ATP9A: variants seen among roughly 807,000 people sequenced by gnomAD.
ATP9A encodes probable phospholipid-transporting ATPase IIA.
In ATP9A, 52 loss-of-function variants were observed where a neutral mutation model predicts 144.1. That is an observed-to-expected ratio of 0.36 (90% confidence interval 0.29 to 0.45). The LOEUF (loss-of-function observed/expected upper bound fraction) is 0.45. Among genes scored for constraint, ATP9A ranks in the 20% least tolerant of loss-of-function variants. ATP9A has a pLI of 1.00. For missense variants in ATP9A, 947 were observed against 1,392.7 expected (o/e 0.68, Z 5.09); for synonymous variants, 582 against 557.4 (o/e 1.04, Z -0.62).
chr20:51,683,729 T>C (rs749079223), intron 9 of ATP9A, among the ~76,000 whole-genome samples: 1 of 152,174 alleles, frequency 6.6e-6, no homozygotes, highest in Non-Finnish European at 1.5e-5. Context: ...TTTTACACTT[T>C]CATTCCCCAT....
At chr20:51,757,276 C>G (rs1451241493) in intron 1 of ATP9A, among the ~76,000 whole-genome samples, 3 of 152,122 alleles carry the variant, frequency 2.0e-5, no homozygotes, top group African/African-American at 7.2e-5. Flanking sequence ...CCTCGGCCTC[C>G]CAAAGTGCTG....
intron 1 of ATP9A, among the ~76,000 whole-genome samples, chr20:51,745,284 A>AC (rs1451321058): frequency 3.3e-5 from 5 of 150,582 alleles, no homozygotes; most frequent in Non-Finnish European, 1.5e-5. Flanking sequence ...AAAAAAAAAA[A>AC]ATTAGCTGGG....
chr20:51,641,059 T>TA (rs201229895), intron 14 of ATP9A, among the ~76,000 whole-genome samples: 11 of 152,056 alleles, frequency 7.2e-5, no homozygotes, highest in South Asian at 4.2e-4. Context: ...ACCCCATTTC[T>TA]AAAAAAAAAT....
chr20:51,621,313 A>T (rs1260766038), intron 19 of ATP9A, among the ~76,000 whole-genome samples: 1 of 152,124 alleles, frequency 6.6e-6, no homozygotes, highest in African/African-American at 2.4e-5. Context: ...ATACTATGCT[A>T]TTTCAAAAAT....
intron 1 of ATP9A, among the ~76,000 whole-genome samples, chr20:51,739,813 GTTC>G (rs1019145779): frequency 5.9e-5 from 9 of 152,142 alleles, no homozygotes; most frequent in African/African-American, 2.2e-4. Context: ...GGAAAGATGT[GTTC>G]TTCTCCCTGG....
At chr20:51,684,460 GC>G (rs1423833533) in intron 9 of ATP9A, among the ~76,000 whole-genome samples, 1 of 151,996 alleles carries the variant, frequency 6.6e-6, no homozygotes, top group East Asian at 1.9e-4. Flanking sequence ...ACTTTGGGAG[GC>G]TGAGGCGGGT....
At chr20:51,723,536 GCA>G (rs1256639934) in intron 3 of ATP9A, among the ~76,000 whole-genome samples, 7 of 150,588 alleles carry the variant, frequency 4.6e-5, no homozygotes, top group Non-Finnish European at 8.8e-5. Context: ...ATTGCACACT[GCA>G]CTACAGCCTG....
At chr20:51,633,892 G>GAGGGAGGGAGGGAGGAAGAA (rs1216641740) in intron 15 of ATP9A, among the ~76,000 whole-genome samples, 7 of 148,376 alleles carry the variant, frequency 4.7e-5, no homozygotes, top group African/African-American at 7.4e-5. Context: ...GGAAGGAAAA[G>GAGGGAGGGAGGGAGGAAGAA]AGGGAGGGAG....
At chr20:51,673,980 G>T (rs900335539) in intron 11 of ATP9A, among the ~76,000 whole-genome samples, 173 bp downstream of exon 11, 1 of 151,724 alleles carries the variant, frequency 6.6e-6, no homozygotes, top group African/African-American at 2.4e-5. Context: ...AACCTGGGAG[G>T]TGGAGGTTGC....
intron 9 of ATP9A, among the ~76,000 whole-genome samples, chr20:51,686,256 C>G (rs892857144): frequency 4.0e-5 from 6 of 151,846 alleles, no homozygotes; most frequent in African/African-American, 1.5e-4. Flanking sequence ...AGGAGATATA[C>G]CTAATGTACA....
intron 18 of ATP9A, 96 bp downstream of exon 18, chr20:51,625,096 G>T: frequency 7.9e-7 from 1 of 1,258,712 alleles, no homozygotes; most frequent in Non-Finnish European, 1.1e-6. Context: ...GTCCTCTGCT[G>T]CTCCTCCCAC....
intron 1 of ATP9A, among the ~76,000 whole-genome samples, chr20:51,730,679 A>C (rs2077737092): frequency 6.6e-6 from 1 of 152,240 alleles, no homozygotes; most frequent in Non-Finnish European, 1.5e-5. Flanking sequence ...CCTCAGCTAC[A>C]AACCTGCACA....
At chr20:51,674,560 C>CA (rs1364060399) in intron 10 of ATP9A, among the ~76,000 whole-genome samples, 1 of 152,088 alleles carries the variant, frequency 6.6e-6, no homozygotes, top group Non-Finnish European at 1.5e-5. Flanking sequence ...CAAGGGAACT[C>CA]AAAGAATTCT....
At chr20:51,733,321 A>G (rs780744292) in intron 1 of ATP9A, among the ~76,000 whole-genome samples, 30 of 152,182 alleles carry the variant, frequency 2.0e-4, no homozygotes, top group Non-Finnish European at 3.5e-4. Flanking sequence ...TGGAGGCTGC[A>G]AAGTCCAAGA....
intron 17 of ATP9A, 111 bp from the exon 18 acceptor site, chr20:51,625,473 G>GATCGGGTGT: frequency 1.5e-6 from 2 of 1,311,044 alleles, no homozygotes; most frequent in Non-Finnish European, 2.0e-6. Context: ...ACGGGGTGGG[G>GATCGGGTGT]GACCCCAGCA....
At chr20:51,698,479 C>G (rs897318208) in intron 4 of ATP9A, among the ~76,000 whole-genome samples, 1 of 152,184 alleles carries the variant, frequency 6.6e-6, no homozygotes, top group Non-Finnish European at 1.5e-5. Context: ...GAGCCGTGAT[C>G]ATGTCACTCC....
At chr20:51,762,304 T>A (rs1487030390) in intron 1 of ATP9A, among the ~76,000 whole-genome samples, 1 of 151,978 alleles carries the variant, frequency 6.6e-6, no homozygotes, top group African/African-American at 2.4e-5. Context: ...ATCGAGACCA[T>A]CTCGGTCAAC....
intron 2 of ATP9A, among the ~76,000 whole-genome samples, chr20:51,728,663 G>A (rs1014633200): frequency 1.1e-4 from 17 of 152,006 alleles, no homozygotes; most frequent in African/African-American, 3.9e-4. Context: ...CTGTTTGGGA[G>A]GCTGAGAGAG....
chr20:51,654,639 G>A (rs1057428666), intron 14 of ATP9A, among the ~76,000 whole-genome samples: 2 of 152,110 alleles, frequency 1.3e-5, no homozygotes. Flanking sequence ...GTGGGAGGAT[G>A]GCTCATACCC....
Sources: gnomAD v4.1 joint callset for allele counts (sites outside exome capture counted in the v4.1 genomes callset) on GRCh38, gnomAD v4.1.1 for gene constraint, MANE v1.5 for transcripts, NCBI Gene and HGNC (gene_info 2026-07-23, HGNC 2026-07-21) for gene names.